The following SYNE1 variants were observed in gnomAD, a reference collection of about 807,000 sequenced individuals.
SYNE1 encodes the protein spectrin repeat containing nuclear envelope protein 1.
A neutral mutation model predicts 1,111.0 loss-of-function variants in SYNE1; 616 were observed. The ratio of observed to expected loss-of-function variants is 0.55; its 90% confidence interval spans 0.52 to 0.59. The LOEUF (loss-of-function observed/expected upper bound fraction) is 0.59. Among genes scored for constraint, SYNE1 ranks in the 20% least tolerant of loss-of-function variants. The probability of loss-of-function intolerance (pLI) is 0.00; values close to 1 mark genes in which losing one functional copy is unlikely to be tolerated. For synonymous variants in SYNE1, 3,855 were observed against 3,825.8 expected, an observed-to-expected ratio of 1.01 and a Z score of -0.28; for missense variants, 10,006 against 10,417.0, an observed-to-expected ratio of 0.96 and a Z score of 1.72.
intron 47 of SYNE1, 63 bp downstream of exon 47, chr6:152,401,075 A>C: frequency 9.2e-6 from 14 of 1,522,430 alleles, no homozygotes; most frequent in Non-Finnish European, 1.3e-5. Flanking sequence ...TATTATAGTC[A>C]CCACAAAACA....
chr6:152,587,683 C>T (rs2099544849), intron 3 of SYNE1, among the ~76,000 whole-genome samples: 1 of 152,164 alleles, frequency 6.6e-6, no homozygotes, highest in Non-Finnish European at 1.5e-5. Context: ...TGTAGAGGGT[C>T]TGCTGTGGCA....
intron 66 of SYNE1, among the ~76,000 whole-genome samples, chr6:152,357,786 A>G (rs1191326180): frequency 3.3e-5 from 5 of 152,220 alleles, no homozygotes; most frequent in South Asian, 4.1e-4. Flanking sequence ...TATCCAGTAA[A>G]TACTGAATGA....
intron 18 of SYNE1, chr6:152,464,919 T>C: frequency 2.7e-6 from 1 of 369,644 alleles, no homozygotes; most frequent in Non-Finnish European, 5.2e-6. Context: ...GTAGTATGTG[T>C]TTCAGCACTA....
chr6:152,434,076 G>A (rs998043784), intron 33 of SYNE1, 131 bp from the exon 34 acceptor site: 7 of 849,810 alleles, frequency 8.2e-6, no homozygotes, highest in African/African-American at 3.4e-5. Context: ...AACTATTCAC[G>A]CTAAAAAAAA....
chr6:152,597,582 T>C (rs1489360624), intron 3 of SYNE1, among the ~76,000 whole-genome samples: 1 of 152,206 alleles, frequency 6.6e-6, no homozygotes, highest in Non-Finnish European at 1.5e-5. Flanking sequence ...GGCTGTTGAA[T>C]TGGATTTAAT....
intron 137 of SYNE1, 193 bp downstream of exon 137, chr6:152,147,852 C>T (rs191542870): frequency 1.9e-4 from 114 of 607,232 alleles, no homozygotes; most frequent in Non-Finnish European, 2.6e-4. Flanking sequence ...CACAAATCTA[C>T]GTGGAATAAA....
chr6:152,435,884 A>C (rs1254354656), intron 33 of SYNE1, 57 bp downstream of exon 33: 2 of 1,596,266 alleles, frequency 1.3e-6, no homozygotes, highest in African/African-American at 2.7e-5. Context: ...AGGTACAGGA[A>C]AGATTGTATG....
At chr6:152,465,176 AC>A in intron 18 of SYNE1, 81 bp downstream of exon 18, 1 of 1,464,470 alleles carries the variant, frequency 6.8e-7, no homozygotes. Flanking sequence ...AATATATGCG[AC>A]CCCCTAGTGA....
rs1464597316 is a variant in SYNE1, at chr6:152,367,594, C to A, written c.9808-212G>T. ...GGGTCAAAAGCAAAAAAAAAAGTTA[C>A]AATTTTATGCCTCTCCAATTCTTTA... On this transcript the variant is annotated intron_variant, in intron 61 of 145. Coordinates refer to ENST00000367255, the MANE Select transcript of SYNE1 (RefSeq NM_182961.4). 5.1e-6 allele frequency: 3 copies of A among 590,958 alleles called. No homozygotes were observed. The African/African-American group carries it at 5.6e-5, about 11-fold the overall frequency. The allele number at this position is 590,958 out of a possible 1,614,324, so 36.6% of individuals were successfully genotyped here. A position where few individuals can be genotyped will look rare whatever the true frequency, so the allele number is the denominator to read the frequency against.
chr6:152,388,530 C>T (rs556866900), intron 53 of SYNE1, among the ~76,000 whole-genome samples: 1 of 152,168 alleles, frequency 6.6e-6, no homozygotes, highest in African/African-American at 2.4e-5. Flanking sequence ...AACTCCTAGG[C>T]TTAAGCAATC....
Position 152,573,172 on chromosome 6 carries a change from A to AT in SYNE1, c.68-33152dup, listed in dbSNP as rs200609031. ...CTTGAGGTCTCTATAGAGGAGGCTGATTTTTTTTTAAATTTTATTATTATT... is the reference window on the plus strand; with the variant it reads ...CTTGAGGTCTCTATAGAGGAGGCTGATTTTTTTTTTAAATTTTATTATTATT... On this transcript the variant is annotated intron_variant, in intron 3 of 145. Transcript: ENST00000367255. 1.9e-3 allele frequency among the ~76,000 whole-genome samples: 295 copies of AT among 151,570 alleles called. 3 individuals carry two copies. Among genetic ancestry groups the AT allele is most frequent in the African/African-American group, 6.8e-3 (282 of 41,314 alleles).
At chr6:152,628,590 A>G (rs1472672593) in intron 2 of SYNE1, 36 bp from the exon 3 acceptor site, 1 of 501,826 alleles carries the variant, frequency 2.0e-6, no homozygotes, top group East Asian at 3.3e-5. Flanking sequence ...AACATAAAAA[A>G]AAAATCTACG....
intron 4 of SYNE1, among the ~76,000 whole-genome samples, chr6:152,535,678 G>A (rs1254787721): frequency 6.6e-6 from 1 of 152,052 alleles, no homozygotes; most frequent in African/African-American, 2.4e-5. Flanking sequence ...GAAACTGCAA[G>A]CATTTGATAA....
chr6:152,166,136 T>C (rs1354477723), intron 130 of SYNE1, among the ~76,000 whole-genome samples: 1 of 152,144 alleles, frequency 6.6e-6, no homozygotes, highest in Non-Finnish European at 1.5e-5. Flanking sequence ...TTGGAGTGCT[T>C]GTTTTCTCCC....
intron 8 of SYNE1, among the ~76,000 whole-genome samples, chr6:152,506,384 T>C (rs2099058342): frequency 1.3e-5 from 2 of 152,182 alleles, no homozygotes; most frequent in African/African-American, 2.4e-5. Context: ...TTTTAAAAAG[T>C]TAGTCTCATT....
intron 20 of SYNE1, chr6:152,462,479 TCC>T: frequency 5.1e-6 from 3 of 585,962 alleles, no homozygotes; most frequent in African/African-American, 1.9e-5. Flanking sequence ...TCCTGTTTTT[TCC>T]TAATACTTTT....
chr6:152,164,452 G>T, intron 130 of SYNE1, 127 bp from the exon 131 acceptor site: 1 of 1,085,298 alleles, frequency 9.2e-7, no homozygotes, highest in Non-Finnish European at 1.3e-6. Context: ...TGTGGAAGAA[G>T]CCAAAGACAG....
chr6:152,174,677 C>A (rs957658702), intron 130 of SYNE1, among the ~76,000 whole-genome samples: 1 of 152,204 alleles, frequency 6.6e-6, no homozygotes, highest in Non-Finnish European at 1.5e-5. Context: ...CCAGGACACG[C>A]GCTTTGGAGT....
At chr6:152,309,383 A>G (rs2095480688) in intron 90 of SYNE1, among the ~76,000 whole-genome samples, 2 of 152,228 alleles carry the variant, frequency 1.3e-5, no homozygotes, top group Admixed American at 1.3e-4. Flanking sequence ...ATTTTCTCTT[A>G]CTAGGCAAAG....
Sources: allele counts gnomAD v4.1 joint callset (sites outside exome capture counted in the v4.1 genomes callset), GRCh38; gene constraint gnomAD v4.1.1; transcripts MANE v1.5; gene names NCBI Gene and HGNC (gene_info 2026-07-23, HGNC 2026-07-21).